The following PGM1 variants were observed in gnomAD, a reference collection of about 807,000 sequenced individuals.
PGM1 encodes phosphoglucomutase-1.
In PGM1, 52 loss-of-function variants were observed where a neutral mutation model predicts 55.6. The ratio of observed to expected loss-of-function variants is 0.94; its 90% CI spans 0.75 to 1.18. The LOEUF (loss-of-function observed/expected upper bound fraction) is 1.18. Ranked by LOEUF, PGM1 falls within the 50% of genes most tolerant of loss-of-function variation. PGM1 has a pLI of 0.00. For synonymous variants in PGM1, 287 were observed against 271.7 expected, an observed-to-expected ratio of 1.06 and a Z score of -0.55; for missense variants, 724 against 729.3, an observed-to-expected ratio of 0.99 and a Z score of 0.08.
chr1:63,657,321 T>G (rs1466161110), intron 10 of PGM1, among the ~76,000 whole-genome samples: 2 of 152,176 alleles, frequency 1.3e-5, no homozygotes, highest in East Asian at 3.9e-4. Context: ...TGTTACAATT[T>G]TATGAATCTT....
intron 1 of PGM1, among the ~76,000 whole-genome samples, chr1:63,601,611 C>T (rs1401881500): frequency 6.6e-6 from 1 of 152,148 alleles, no homozygotes. Context: ...TAAGTAATGG[C>T]TAGCCGAGGG....
At chr1:63,611,138 G>A (rs1648553625) in intron 1 of PGM1, among the ~76,000 whole-genome samples, 1 of 152,184 alleles carries the variant, frequency 6.6e-6, no homozygotes, top group Non-Finnish European at 1.5e-5. Flanking sequence ...AGTGGGCATT[G>A]CAATATAGTG....
chr1:63,631,108 C>T (rs1275778262), intron 3 of PGM1, among the ~76,000 whole-genome samples: 1 of 152,082 alleles, frequency 6.6e-6, no homozygotes, highest in African/African-American at 2.4e-5. Context: ...ATACTAAGTT[C>T]TTATATTTAT....
rs995861612 is a variant in PGM1 at position 63,641,566 on chromosome 1, A to C, written c.1144+2766A>C. 7.9e-5 allele frequency among the ~76,000 whole-genome samples: 12 copies of C among 152,252 alleles called. 1 individual carries two copies. The highest frequency in any genetic ancestry group is 2.9e-4 in the African/African-American group (12 of 41,540). On this transcript the variant is annotated intron_variant, in intron 7 of 10. Transcript: ENST00000371084. Reference sequence around the variant, plus strand: ...AATTCTATAGCTTAATTGAGCACAGAGTGCTTTATTTCTGTATTTTTCCAG... The same window carrying C: ...AATTCTATAGCTTAATTGAGCACAGCGTGCTTTATTTCTGTATTTTTCCAG...
chr1:63,624,305 G>C (rs1648965591), intron 1 of PGM1, among the ~76,000 whole-genome samples: 1 of 152,174 alleles, frequency 6.6e-6, no homozygotes, highest in South Asian at 2.1e-4. Flanking sequence ...TGTTACAGGG[G>C]CACCTGCTTA....
At chr1:63,650,107 C>T (rs1557442903) in intron 8 of PGM1, among the ~76,000 whole-genome samples, 1 of 152,100 alleles carries the variant, frequency 6.6e-6, no homozygotes, top group Non-Finnish European at 1.5e-5. Flanking sequence ...AATTGCTAAC[C>T]AAGTATTACA....
intron 3 of PGM1, among the ~76,000 whole-genome samples, chr1:63,630,308 T>C (rs1298916629): frequency 6.6e-6 from 1 of 152,102 alleles, no homozygotes; most frequent in Non-Finnish European, 1.5e-5. Flanking sequence ...TGACATCGAG[T>C]AAGTCATTTC....
At chr1:63,593,962 T>G in intron 1 of PGM1, 1 of 1,195,938 alleles carries the variant, frequency 8.4e-7, no homozygotes, top group Non-Finnish European at 1.0e-6. Context: ...CTCGCCTGAC[T>G]CCCGGGGCGC....
intron 1 of PGM1, among the ~76,000 whole-genome samples, chr1:63,612,463 T>G (rs1256622250): frequency 6.6e-6 from 1 of 152,164 alleles, no homozygotes; most frequent in Non-Finnish European, 1.5e-5. Context: ...AAAAAAAATT[T>G]TGACATACAG....
chr1:63,611,872 C>T (rs1648576098), intron 1 of PGM1, among the ~76,000 whole-genome samples: 1 of 151,772 alleles, frequency 6.6e-6, no homozygotes, highest in Non-Finnish European at 1.5e-5. Flanking sequence ...CCACTGCACT[C>T]CAACCTGGCA....
At chr1:63,633,519 G>C (rs1196770013) in intron 4 of PGM1, among the ~76,000 whole-genome samples, 1 of 152,094 alleles carries the variant, frequency 6.6e-6, no homozygotes, top group Non-Finnish European at 1.5e-5. Context: ...ATGACCTCTG[G>C]GGCATGTACT....
intron 1 of PGM1, among the ~76,000 whole-genome samples, chr1:63,626,324 T>A (rs532991408): frequency 7.2e-5 from 11 of 152,274 alleles, no homozygotes; most frequent in Non-Finnish European, 1.2e-4. Context: ...GAGCCTTTTT[T>A]AAAAATCATC....
At chr1:63,596,364 C>A (rs1189956191) in intron 1 of PGM1, among the ~76,000 whole-genome samples, 1 of 147,894 alleles carries the variant, frequency 6.8e-6, no homozygotes, top group Non-Finnish European at 1.5e-5. Flanking sequence ...TCAAGCAATT[C>A]GCCTGCCTTA....
intron 1 of PGM1, among the ~76,000 whole-genome samples, chr1:63,625,876 C>T (rs1649002146): frequency 6.6e-6 from 1 of 152,074 alleles, no homozygotes; most frequent in East Asian, 1.9e-4. Context: ...CTCATTCAGT[C>T]CCCAGAGCTC....
chr1:63,653,239 CAT>C (rs926438410), intron 9 of PGM1, among the ~76,000 whole-genome samples: 2 of 152,138 alleles, frequency 1.3e-5, no homozygotes, highest in African/African-American at 4.8e-5. Flanking sequence ...TATGATCCAA[CAT>C]ATATAGATAG....
intron 8 of PGM1, among the ~76,000 whole-genome samples, chr1:63,649,263 G>T (rs907751774): frequency 3.3e-5 from 5 of 152,120 alleles, no homozygotes; most frequent in African/African-American, 1.2e-4. Flanking sequence ...CTGTATACCC[G>T]ATTTCCATCG....
rs548656604 is a variant in PGM1, at chr1:63,650,266, T to G, written c.1281-1403T>G. On this transcript the variant is annotated intron_variant, in intron 8 of 10. Coordinates refer to ENST00000371084, the MANE Select transcript of PGM1 (RefSeq NM_002633.3). ...ATAAGGTAGCTGAGATTCTGAGAGA[T>G]AGGGCAGCTGGCCCTGTAGTCACAC... is the stretch of plus-strand genomic sequence containing the variant. 4.6e-5 allele frequency among the ~76,000 whole-genome samples: 7 copies of G among 152,338 alleles called. No homozygotes were observed. In the South Asian group the frequency reaches 1.4e-3, roughly 32 times the overall value.
At chr1:63,654,102 C>T (rs1197711867) in intron 9 of PGM1, among the ~76,000 whole-genome samples, 1 of 152,144 alleles carries the variant, frequency 6.6e-6, no homozygotes, top group East Asian at 1.9e-4. Context: ...GGTCAGGTCT[C>T]CCCTGACCCT....
At chr1:63,612,206 G>A (rs988892698) in intron 1 of PGM1, among the ~76,000 whole-genome samples, 3 of 151,684 alleles carry the variant, frequency 2.0e-5, no homozygotes, top group African/African-American at 4.9e-5. Context: ...GCAGTGAGCC[G>A]AGATCACACC....
Sources: allele counts gnomAD v4.1 joint callset (sites outside exome capture counted in the v4.1 genomes callset), GRCh38; gene constraint gnomAD v4.1.1; transcripts MANE v1.5; gene names NCBI Gene and HGNC (gene_info 2026-07-23, HGNC 2026-07-21).